TCF4: variants seen among roughly 807,000 people sequenced by gnomAD.
TCF4 encodes the protein transcription factor 4, also known as SL3-3 enhancer factor 2.
Under a neutral mutation model 82.1 loss-of-function variants are expected in TCF4, and 3 were observed. The observed-to-expected ratio is 0.04, with a 90% CI of 0.02 to 0.09. TCF4 has a LOEUF of 0.09. Among genes scored for constraint, TCF4 ranks in the 10% least tolerant of loss-of-function variants. The pLI, the probability that TCF4 is intolerant of heterozygous loss-of-function variation, is 1.00. For synonymous variants in TCF4, 276 were observed against 309.6 expected, an observed-to-expected ratio of 0.89 and a Z score of 1.14; for missense variants, 518 against 852.7, an observed-to-expected ratio of 0.61 and a Z score of 4.89.
chr18:55,229,055 C>T lies in TCF4; in HGVS notation c.1671G>A (p.Leu557=). The T allele has an allele frequency of 1.2e-6, 2 of 1,614,148 alleles. No homozygotes were observed. The highest frequency in any genetic ancestry group is 2.2e-5 in the South Asian group (2 of 91,084). ...SRSSNNDDED[L]TPEQKAEREK... ...CACGCTCTGCCTTCTGCTCTGGTGT[C>T]AGGTCCTCATCGTCATTATTGCTGT... is the stretch of plus-strand genomic sequence containing the variant. The change falls in exon 18 of 20, where the codon CTG becomes CTA. Residue 557 remains leucine, a synonymous_variant. Coordinates refer to ENST00000354452, the MANE Select transcript of TCF4 (RefSeq NM_001083962.2).
At chr18:55,619,780 T>C (rs1202335355) in intron 2 of TCF4, among the ~76,000 whole-genome samples, 1 of 152,206 alleles carries the variant, frequency 6.6e-6, no homozygotes, top group Non-Finnish European at 1.5e-5. Context: ...TTCAGGCATC[T>C]TGAATTTTAC....
chr18:55,453,059 G>A (rs1314504833), intron 5 of TCF4, among the ~76,000 whole-genome samples: 1 of 152,128 alleles, frequency 6.6e-6, no homozygotes, highest in Non-Finnish European at 1.5e-5. Flanking sequence ...AGTAAGCCCA[G>A]TATGAGTCCC....
In TCF4 at chr18:55,437,768, T is replaced by C. The variant is rs143019090; in HGVS notation, c.304+23251A>G. On this transcript the variant is annotated intron_variant, in intron 5 of 19. Coordinates refer to ENST00000354452, the MANE Select transcript of TCF4 (RefSeq NM_001083962.2). ...CATGTTACTCAGATGCACAGCAAGG[T>C]TGAAGAACTGCAAAGTGCAATCTTA... is the stretch of plus-strand genomic sequence containing the variant. 9.2e-5 allele frequency among the ~76,000 whole-genome samples: 14 copies of C among 152,292 alleles called. No individual in the cohort carries two copies. The East Asian group carries it at 2.3e-3, about 25-fold the overall frequency.
At chr18:55,477,901 T>C (rs2096330181) in intron 3 of TCF4, among the ~76,000 whole-genome samples, 1 of 152,162 alleles carries the variant, frequency 6.6e-6, no homozygotes. Context: ...ATCCTGCCTT[T>C]TGCCCATCTG....
rs540183229 is a variant in TCF4 at position 55,256,264 on chromosome 18, C to T, written c.1146+1051G>A. On this transcript the variant is annotated intron_variant, in intron 14 of 19. Transcript: ENST00000354452. ...ATGGAAGCTGTGGCCCATAACTATA[C>T]ACCCCGTCTTTACAGTTCTATAGTT... Among the ~76,000 whole-genome samples the T allele has an allele frequency of 2.6e-5, 4 of 152,236 alleles. 1 individual carries two copies. Among genetic ancestry groups the T allele is most frequent in the East Asian group, 1.9e-4 (1 of 5,182 alleles).
intron 5 of TCF4, among the ~76,000 whole-genome samples, chr18:55,441,744 G>A (rs1467481548): frequency 6.6e-6 from 1 of 152,116 alleles, no homozygotes; most frequent in Non-Finnish European, 1.5e-5. Flanking sequence ...GATACAGAAG[G>A]ATTTTGCTCC....
chr18:55,476,806 A>T (rs76155870), intron 3 of TCF4, among the ~76,000 whole-genome samples: 1,818 of 152,310 alleles, frequency 0.012, 19 homozygotes, highest in Non-Finnish European at 0.021. Context: ...CAGTGCTGAC[A>T]TATTTCAACT....
At chr18:55,537,903 T>C (rs1005565529) in intron 3 of TCF4, among the ~76,000 whole-genome samples, 2 of 152,098 alleles carry the variant, frequency 1.3e-5, no homozygotes, top group African/African-American at 4.8e-5. Flanking sequence ...AAATAGATTT[T>C]TAATTCACAA....
At chr18:55,495,237 A>C (rs1367101495) in intron 3 of TCF4, among the ~76,000 whole-genome samples, 1 of 151,998 alleles carries the variant, frequency 6.6e-6, no homozygotes, top group Non-Finnish European at 1.5e-5. Flanking sequence ...ATCAAAAGCC[A>C]GAACTAAAGT....
intron 5 of TCF4, among the ~76,000 whole-genome samples, chr18:55,425,976 G>A (rs2094961814): frequency 6.6e-6 from 1 of 151,996 alleles, no homozygotes; most frequent in South Asian, 2.1e-4. Flanking sequence ...TTGGAGATTT[G>A]TTTCCTTTTC....
chr18:55,351,321 C>A, intron 6 of TCF4: 1 of 301,924 alleles, frequency 3.3e-6, no homozygotes, highest in East Asian at 9.7e-5. Context: ...TTTCCTTTCT[C>A]TAGACTGAGG....
intron 2 of TCF4, among the ~76,000 whole-genome samples, chr18:55,616,207 ATAT>A (rs1464977056): frequency 6.6e-6 from 1 of 152,088 alleles, no homozygotes; most frequent in Non-Finnish European, 1.5e-5. Flanking sequence ...TACATACTTT[ATAT>A]AAGTTGAGTT....
At chr18:55,616,055 A>G (rs1056782066) in intron 2 of TCF4, among the ~76,000 whole-genome samples, 1 of 152,104 alleles carries the variant, frequency 6.6e-6, no homozygotes, top group African/African-American at 2.4e-5. Context: ...TATAAACTCA[A>G]TGCTGTACAA....
chr18:55,288,293 A>G (rs568768615), intron 8 of TCF4, among the ~76,000 whole-genome samples: 2 of 152,352 alleles, frequency 1.3e-5, no homozygotes, highest in East Asian at 3.9e-4. Flanking sequence ...GTCATTATTT[A>G]TATCTGTTTA....
At chr18:55,473,152 G>A (rs375406072) in intron 3 of TCF4, among the ~76,000 whole-genome samples, 1 of 152,096 alleles carries the variant, frequency 6.6e-6, no homozygotes, top group Non-Finnish European at 1.5e-5. Flanking sequence ...CTTGGGAGAG[G>A]TTAGCCAACA....
chr18:55,397,614 G>A (rs1463732566), intron 6 of TCF4, among the ~76,000 whole-genome samples: 1 of 152,188 alleles, frequency 6.6e-6, no homozygotes, highest in Non-Finnish European at 1.5e-5. Flanking sequence ...CAAATGACAC[G>A]CGTAAATGGC....
At chr18:55,635,447 T>A (rs1460223661) in intron 1 of TCF4, among the ~76,000 whole-genome samples, 1 of 150,016 alleles carries the variant, frequency 6.7e-6, no homozygotes, top group African/African-American at 2.5e-5. Context: ...AGGCAGAGGC[T>A]GCAGTGAGCC....
At chr18:55,453,172 G>A (rs2095660015) in intron 5 of TCF4, among the ~76,000 whole-genome samples, 1 of 151,990 alleles carries the variant, frequency 6.6e-6, no homozygotes, top group Admixed American at 6.6e-5. Flanking sequence ...GTGTGGTGGG[G>A]AGACACCACT....
At chr18:55,542,964 C>T (rs117826375) in intron 3 of TCF4, among the ~76,000 whole-genome samples, 3,100 of 152,116 alleles carry the variant, frequency 0.02, 51 homozygotes, top group Non-Finnish European at 0.032. Context: ...CAGGCACTCC[C>T]CATTTACTGT....
Sources: gnomAD v4.1 joint callset for allele counts (sites outside exome capture counted in the v4.1 genomes callset) on GRCh38, gnomAD v4.1.1 for gene constraint, MANE v1.5 for transcripts, NCBI Gene and HGNC (gene_info 2026-07-23, HGNC 2026-07-21) for gene names.